The following HIPK3 variants were observed in gnomAD, a reference collection of about 807,000 sequenced individuals.
HIPK3 encodes homeodomain interacting protein kinase 3.
In HIPK3, 47 loss-of-function variants were observed where a neutral mutation model predicts 124.2. That is an observed-to-expected ratio of 0.38 (90% CI 0.30 to 0.48). The LOEUF (loss-of-function observed/expected upper bound fraction) is 0.48, where lower values mean the gene tolerates loss of function less well. Ranked by LOEUF, HIPK3 falls within the 20% of genes least tolerant of loss-of-function variation. The pLI is 0.98. For synonymous variants in HIPK3, 482 were observed against 515.2 expected (o/e 0.94, Z 0.87); for missense variants, 1,286 against 1,454.3 (o/e 0.88, Z 1.88).
intron 3 of HIPK3, among the ~76,000 whole-genome samples, chr11:33,329,681 A>G (rs1232682088): frequency 3.3e-5 from 5 of 152,090 alleles, no homozygotes; most frequent in Admixed American, 3.3e-4. Context: ...TCCCTCCTCC[A>G]TGTTCAGAAT....
chr11:33,258,050 A>G, intron 1 of HIPK3, among the ~76,000 whole-genome samples, 161 bp downstream of exon 1: 1 of 139,810 alleles, frequency 7.2e-6, no homozygotes, highest in Admixed American at 7.1e-5. Context: ...CCGCATCCCC[A>G]GCGCTCTCGT....
At chr11:33,283,594 G>T (rs576949868) in intron 1 of HIPK3, among the ~76,000 whole-genome samples, 2 of 152,056 alleles carry the variant, frequency 1.3e-5, no homozygotes, top group South Asian at 4.1e-4. Context: ...CTGAAAGGTG[G>T]TACGTTTACT....
At chr11:33,283,410 G>A (rs749922685) in intron 1 of HIPK3, among the ~76,000 whole-genome samples, 7 of 151,778 alleles carry the variant, frequency 4.6e-5, no homozygotes, top group Non-Finnish European at 7.4e-5. Context: ...GCGCCCAGCG[G>A]AACTCCGGAA....
intron 2 of HIPK3, among the ~76,000 whole-genome samples, chr11:33,290,040 A>G (rs1176546926): frequency 6.6e-6 from 1 of 152,086 alleles, no homozygotes; most frequent in African/African-American, 2.4e-5. Context: ...CATTTTCTTT[A>G]TCCATTCATC....
chr11:33,299,619 C>T (rs1004025752), intron 2 of HIPK3, among the ~76,000 whole-genome samples: 4 of 152,138 alleles, frequency 2.6e-5, no homozygotes, highest in African/African-American at 9.7e-5. Flanking sequence ...AGGATTGGCT[C>T]CAATTTTGAA....
At chr11:33,334,406 T>C (rs1242870673) in intron 3 of HIPK3, among the ~76,000 whole-genome samples, 1 of 151,972 alleles carries the variant, frequency 6.6e-6, no homozygotes, top group Non-Finnish European at 1.5e-5. Flanking sequence ...GAGAACAATA[T>C]AGGAAAGAGA....
chr11:33,294,628 A>G (rs1050584528), intron 2 of HIPK3, among the ~76,000 whole-genome samples: 7 of 152,090 alleles, frequency 4.6e-5, no homozygotes, highest in Non-Finnish European at 7.4e-5. Context: ...TCTTAAAGAC[A>G]AGGTCTTGCT....
At chr11:33,298,151 C>A (rs1400653246) in intron 2 of HIPK3, among the ~76,000 whole-genome samples, 5 of 152,142 alleles carry the variant, frequency 3.3e-5, no homozygotes, top group Non-Finnish European at 2.9e-5. Context: ...CCAATGCTCA[C>A]TTACCATTCT....
intron 4 of HIPK3, among the ~76,000 whole-genome samples, chr11:33,337,411 A>G (rs1324876527): frequency 6.6e-6 from 1 of 151,338 alleles, no homozygotes; most frequent in Non-Finnish European, 1.5e-5. Flanking sequence ...GCTGGAGTGC[A>G]GTGGCGCCAT....
chr11:33,311,965 A>G (rs1460738167), intron 2 of HIPK3, among the ~76,000 whole-genome samples: 1 of 76,698 alleles, frequency 1.3e-5, no homozygotes, highest in East Asian at 3.5e-4. Flanking sequence ...ACATAGCAAG[A>G]CCCTGTTTCT....
At chr11:33,300,531 A>AT (rs1049579263) in intron 2 of HIPK3, among the ~76,000 whole-genome samples, 1 of 152,078 alleles carries the variant, frequency 6.6e-6, no homozygotes, top group African/African-American at 2.4e-5. Context: ...AGAGCTATAC[A>AT]TTTTTTTAGA....
At chr11:33,308,615 T>TGG (rs1229043091) in intron 2 of HIPK3, among the ~76,000 whole-genome samples, 1 of 146,538 alleles carries the variant, frequency 6.8e-6, no homozygotes, top group Non-Finnish European at 1.5e-5. Flanking sequence ...TGCCTAGGGG[T>TGG]GTGTGTGTGT....
Position 33,338,851 on chromosome 11 carries a change from C to T in HIPK3, c.1428+8C>T, listed in dbSNP as rs201949685. 6.3e-7 allele frequency: 1 copy of T among 1,592,256 alleles called. No homozygotes were observed. The highest frequency in any genetic ancestry group is 8.6e-7 in the Non-Finnish European group (1 of 1,161,916). On this transcript the variant is annotated splice_region_variant and intron_variant, in intron 5 of 16. Transcript: ENST00000303296. ...CTGGATGATGTAGCGCATGTGAGTA[C>T]CATAGCCACATTTGTTCATCTTACA...
intron 1 of HIPK3, among the ~76,000 whole-genome samples, chr11:33,258,940 A>G (rs1392717303): frequency 6.6e-6 from 1 of 152,080 alleles, no homozygotes; most frequent in Non-Finnish European, 1.5e-5. Flanking sequence ...TTTATCGTCC[A>G]GTTTAGAGGG....
intron 1 of HIPK3, among the ~76,000 whole-genome samples, chr11:33,259,604 A>T (rs546994295): frequency 6.6e-6 from 1 of 152,328 alleles, no homozygotes; most frequent in Non-Finnish European, 1.5e-5. Flanking sequence ...TTATGGCTGC[A>T]TTCATAAAGT....
At chr11:33,274,024 G>A (rs1851207668) in intron 1 of HIPK3, among the ~76,000 whole-genome samples, 1 of 152,166 alleles carries the variant, frequency 6.6e-6, no homozygotes, top group African/African-American at 2.4e-5. Flanking sequence ...ATATAGTGAT[G>A]AGAATCTTAA....
intron 2 of HIPK3, among the ~76,000 whole-genome samples, chr11:33,303,437 G>A (rs898532207): frequency 3.9e-5 from 6 of 152,166 alleles, no homozygotes; most frequent in Admixed American, 1.3e-4. Context: ...GTAGTTACTC[G>A]TAGGTTAAAA....
chr11:33,278,852 A>G (rs1323091573), intron 1 of HIPK3, among the ~76,000 whole-genome samples: 1 of 142,618 alleles, frequency 7.0e-6, no homozygotes, highest in East Asian at 1.9e-4. Context: ...TCAAAAAAGG[A>G]AAAAAAAAAT....
chr11:33,280,961 G>A (rs1477672269), intron 1 of HIPK3, among the ~76,000 whole-genome samples: 1 of 151,922 alleles, frequency 6.6e-6, no homozygotes, highest in African/African-American at 2.4e-5. Flanking sequence ...ACATGGCCCT[G>A]GGAGCTTGTA....
Sources: gnomAD v4.1 joint callset for allele counts (sites outside exome capture counted in the v4.1 genomes callset) on GRCh38, gnomAD v4.1.1 for gene constraint, MANE v1.5 for transcripts, NCBI Gene and HGNC (gene_info 2026-07-23, HGNC 2026-07-21) for gene names.